RBFOX1: variants seen among roughly 807,000 people sequenced by gnomAD.
RBFOX1 encodes RNA binding protein fox-1 homolog 1.
RBFOX1 carries 8 observed loss-of-function variants against 57.7 expected under a neutral mutation model. The ratio of observed to expected loss-of-function variants is 0.14; its 90% CI spans 0.08 to 0.25. The LOEUF is 0.25. Among genes scored for constraint, RBFOX1 ranks in the 10% least tolerant of loss-of-function variants. RBFOX1 has a pLI of 1.00. For missense variants in RBFOX1, 611 were observed against 548.5 expected (o/e 1.11, Z -1.14); for synonymous variants, 326 against 222.4 (o/e 1.47, Z -4.15).
rs537208826 is a variant in RBFOX1 at position 7,373,143 on chromosome 16, A to G, written c.28-145004A>G. Among the ~76,000 whole-genome samples, 5 of 152,156 alleles carry G rather than the reference A, an allele frequency of 3.3e-5. No individual in the cohort carries two copies. In the South Asian group the frequency reaches 6.2e-4, roughly 19 times the overall value. On this transcript the variant is annotated intron_variant, in intron 4 of 15. Coordinates refer to ENST00000550418, the MANE Select transcript of RBFOX1 (RefSeq NM_018723.4). ...GAGACGGTGTTTCACCGTGTTAGCC[A>G]GGATGGTTATCGCTCTCCTGACCTT...
chr16:6,203,458 G>A (rs112522229), intron 1 of RBFOX1, among the ~76,000 whole-genome samples: 124 of 152,270 alleles, frequency 8.1e-4, no homozygotes, highest in Non-Finnish European at 1.6e-3. Context: ...ATCACTGCAT[G>A]TATGCCATTT....
At chr16:7,691,668 C>G (rs950869711) in intron 14 of RBFOX1, among the ~76,000 whole-genome samples, 1 of 152,148 alleles carries the variant, frequency 6.6e-6, no homozygotes, top group South Asian at 2.1e-4. Context: ...CGTTCAGTCA[C>G]AATTTTACAT....
At chr16:5,432,557 TTG>T (rs199638735) in intron 1 of RBFOX1, among the ~76,000 whole-genome samples, 1,153 of 114,688 alleles carry the variant, frequency 0.01, 10 homozygotes, top group East Asian at 0.042. Context: ...TTTTGTTTGT[TTG>T]TTTTTTTTTT....
chr16:7,448,546 C>G (rs993927186), intron 4 of RBFOX1, among the ~76,000 whole-genome samples: 2 of 152,124 alleles, frequency 1.3e-5, no homozygotes, highest in South Asian at 2.1e-4. Flanking sequence ...AGACCCACCT[C>G]TATGATTCAG....
At position 5,969,592 on chromosome 16, in the gene RBFOX1, G is replaced by A. The variant is rs143604476; in HGVS notation, c.351+102257G>A. On this transcript the variant is annotated intron_variant, in intron 4 of 19. Coordinates refer to the RBFOX1 transcript ENST00000641259. ...CTGCCTCAACCTCCCACAGTGCTGGGATTACAGGTGTGAACCACCATGTCC... is the reference window on the plus strand; with the variant it reads ...CTGCCTCAACCTCCCACAGTGCTGGAATTACAGGTGTGAACCACCATGTCC... Among the ~76,000 whole-genome samples, 602 of 151,710 alleles carry A rather than the reference G, an allele frequency of 4.0e-3. 3 individuals carry two copies. Among genetic ancestry groups the A allele is most frequent in the African/African-American group, 0.013 (556 of 41,322 alleles).
At chr16:6,878,562 T>A (rs2153315437) in intron 3 of RBFOX1, among the ~76,000 whole-genome samples, 1 of 152,284 alleles carries the variant, frequency 6.6e-6, no homozygotes, top group African/African-American at 2.4e-5. Flanking sequence ...TGCCACAGCA[T>A]CACATGGCGC....
At chr16:6,816,820 C>T (rs896639883) in intron 3 of RBFOX1, among the ~76,000 whole-genome samples, 8 of 152,012 alleles carry the variant, frequency 5.3e-5, no homozygotes, top group African/African-American at 1.7e-4. Context: ...TCATATCTCA[C>T]TGCAGTCTCA....
chr16:7,557,427 C>T (rs1203456421), intron 5 of RBFOX1, among the ~76,000 whole-genome samples: 2 of 151,838 alleles, frequency 1.3e-5, no homozygotes, highest in African/African-American at 2.4e-5. Context: ...CCAGACCAGC[C>T]TGACCAACAT....
chr16:5,862,815 C>T (rs1477843569), intron 3 of RBFOX1, among the ~76,000 whole-genome samples: 1 of 152,130 alleles, frequency 6.6e-6, no homozygotes, highest in Non-Finnish European at 1.5e-5. Flanking sequence ...ACAGGGTAGC[C>T]CCACGCTGTT....
intron 3 of RBFOX1, among the ~76,000 whole-genome samples, chr16:6,879,202 T>C (rs1052187898): frequency 6.6e-6 from 1 of 152,120 alleles, no homozygotes; most frequent in African/African-American, 2.4e-5. Context: ...TCCAGTAATA[T>C]GATATTTTTA....
At chr16:6,098,097 A>G (rs2096266101) in intron 1 of RBFOX1, among the ~76,000 whole-genome samples, 1 of 152,188 alleles carries the variant, frequency 6.6e-6, no homozygotes, top group Non-Finnish European at 1.5e-5. Context: ...TGAGAGGAGA[A>G]GGGGTCGGTC....
intron 1 of RBFOX1, among the ~76,000 whole-genome samples, chr16:6,159,383 A>G (rs1323842388): frequency 6.6e-6 from 1 of 152,050 alleles, no homozygotes; most frequent in Non-Finnish European, 1.5e-5. Flanking sequence ...GGCCTCTGTC[A>G]TAGGTTTTTG....
At chr16:7,492,463 G>A (rs893877546) in intron 4 of RBFOX1, among the ~76,000 whole-genome samples, 4 of 152,054 alleles carry the variant, frequency 2.6e-5, no homozygotes, top group African/African-American at 9.7e-5. Flanking sequence ...AATGAGAGCT[G>A]CCTGTCACCT....
In RBFOX1 at chr16:5,964,833, T is replaced by TAC. The variant is rs570510769; in HGVS notation, c.351+97508_351+97509dup. On this transcript the variant is annotated intron_variant, in intron 4 of 19. Coordinates refer to the RBFOX1 transcript ENST00000641259. The stretch of plus-strand genomic sequence containing the variant: ...CATTTATATACCATATACACGTATA[T>TAC]ACACACACACAATGACCTTAGAGTT... 5.7e-4 allele frequency among the ~76,000 whole-genome samples: 86 copies of TAC among 152,058 alleles called. 1 individual carries two copies. The highest frequency in any genetic ancestry group is 1.6e-4 in the Non-Finnish European group (11 of 68,014).
intron 2 of RBFOX1, among the ~76,000 whole-genome samples, chr16:6,640,730 A>G (rs772300406): frequency 3.4e-4 from 52 of 152,184 alleles, no homozygotes; most frequent in Non-Finnish European, 2.9e-4. Context: ...CTAGAAAGGA[A>G]TAAAAAAACT....
intron 2 of RBFOX1, among the ~76,000 whole-genome samples, chr16:6,364,163 G>T (rs555615020): frequency 6.6e-6 from 1 of 152,266 alleles, no homozygotes; most frequent in East Asian, 1.9e-4. Flanking sequence ...ACTCTCCTTT[G>T]CAAGCCAGGA....
chr16:7,110,815 A>C (rs2064595211), intron 4 of RBFOX1, among the ~76,000 whole-genome samples: 1 of 152,190 alleles, frequency 6.6e-6, no homozygotes, highest in Admixed American at 6.5e-5. Context: ...TAAAGGCTGG[A>C]ATGTCTGTCT....
chr16:7,383,855 G>T (rs563249461), intron 4 of RBFOX1, among the ~76,000 whole-genome samples: 1 of 152,174 alleles, frequency 6.6e-6, no homozygotes, highest in South Asian at 2.1e-4. Context: ...AGAAGATCGA[G>T]ACTATCCTGG....
intron 4 of RBFOX1, among the ~76,000 whole-genome samples, chr16:7,069,852 C>T (rs1275962738): frequency 6.6e-6 from 1 of 152,276 alleles, no homozygotes; most frequent in Non-Finnish European, 1.5e-5. Context: ...TTGATGTTCC[C>T]TTACATCACT....
Sources: gnomAD v4.1 joint callset for allele counts (sites outside exome capture counted in the v4.1 genomes callset) on GRCh38, gnomAD v4.1.1 for gene constraint, MANE v1.5 for transcripts, NCBI Gene and HGNC (gene_info 2026-07-23, HGNC 2026-07-21) for gene names.